NBEAL1: variants seen among roughly 807,000 people sequenced by gnomAD.
NBEAL1 encodes the protein neurobeachin-like protein 1.
Under a neutral mutation model 351.3 loss-of-function variants are expected in NBEAL1, and 273 were observed. The observed-to-expected ratio is 0.78, with a 90% CI of 0.70 to 0.86. NBEAL1 has a LOEUF of 0.86. Ranked by LOEUF, NBEAL1 falls within the 40% of genes least tolerant of loss-of-function variation. The pLI is 0.00. For missense variants in NBEAL1, 2,961 were observed against 3,201.3 expected (o/e 0.92, Z 1.81); for synonymous variants, 1,050 against 1,086.4 (o/e 0.97, Z 0.66).
intron 35 of NBEAL1, among the ~76,000 whole-genome samples, chr2:203,156,341 G>C (rs2063797508): frequency 6.6e-6 from 1 of 152,078 alleles, no homozygotes; most frequent in South Asian, 2.1e-4. Context: ...ACAGTAGCTT[G>C]CCAGCTGGCC....
intron 47 of NBEAL1, among the ~76,000 whole-genome samples, chr2:203,197,041 T>C (rs2065258536): frequency 6.6e-6 from 1 of 152,218 alleles, no homozygotes; most frequent in African/African-American, 2.4e-5. Flanking sequence ...TGTTTTAAAT[T>C]ATTGCTGCTC....
intron 6 of NBEAL1, among the ~76,000 whole-genome samples, chr2:203,067,232 T>C (rs1409025631): frequency 6.6e-6 from 1 of 152,262 alleles, no homozygotes; most frequent in African/African-American, 2.4e-5. Context: ...TTGATAATGG[T>C]CTTAATTAAA....
At chr2:203,046,300 C>T (rs2061224166) in intron 3 of NBEAL1, among the ~76,000 whole-genome samples, 1 of 152,096 alleles carries the variant, frequency 6.6e-6, no homozygotes, top group South Asian at 2.1e-4. Context: ...ACTGCAACCT[C>T]TGCCTCCCGG....
At chr2:203,144,488 A>G (rs2063460220) in intron 31 of NBEAL1, 112 bp from the exon 32 acceptor site, 1 of 982,280 alleles carries the variant, frequency 1.0e-6, no homozygotes, top group Non-Finnish European at 1.5e-6. Flanking sequence ...GACCTTTCAC[A>G]GTTCTTGACA....
intron 29 of NBEAL1, among the ~76,000 whole-genome samples, chr2:203,137,592 T>C (rs2063247472): frequency 6.6e-6 from 1 of 152,252 alleles, no homozygotes; most frequent in Admixed American, 6.5e-5. Flanking sequence ...GTCATAGCTT[T>C]TTTATAGTCA....
chr2:203,059,564 A>T (rs892744310), intron 6 of NBEAL1, among the ~76,000 whole-genome samples: 26 of 152,214 alleles, frequency 1.7e-4, no homozygotes, highest in African/African-American at 6.3e-4. Context: ...TGTCATTTTC[A>T]TTCTGAACTC....
At chr2:203,014,672 G>A (rs1448840663), upstream of NBEAL1, 3 of 152,330 alleles carry the variant, frequency 2.0e-5, no homozygotes, top group Non-Finnish European at 2.9e-5. Context: ...CCCGCCAAGG[G>A]ATGGGCAGCC....
At chr2:203,070,884 A>C (rs950207952) in intron 7 of NBEAL1, among the ~76,000 whole-genome samples, 4 of 152,170 alleles carry the variant, frequency 2.6e-5, no homozygotes, top group African/African-American at 9.6e-5. Flanking sequence ...GTTGAACACG[A>C]GATTTCAGTG....
chr2:203,090,732 C>CA (rs949811386), intron 10 of NBEAL1, among the ~76,000 whole-genome samples: 1 of 151,810 alleles, frequency 6.6e-6, no homozygotes, highest in Non-Finnish European at 1.5e-5. Context: ...ACTAAAAATA[C>CA]AAAAAAGTTA....
In NBEAL1 at chr2:203,148,776, A is replaced by G. The variant is rs183358938; in HGVS notation, c.5305-215A>G. 5.7e-3 allele frequency among the ~76,000 whole-genome samples: 858 copies of G among 151,094 alleles called. 8 individuals are homozygous for G. The highest frequency in any genetic ancestry group is 0.02 in the African/African-American group (830 of 41,294). ...TTTATTGTTGGTTGGTTTTTTTTTT[A>G]AGTTTTAAAAAATATAAATAGATTA... On this transcript the variant is annotated intron_variant, in intron 33 of 55. Coordinates refer to ENST00000683969, the MANE Select transcript of NBEAL1 (RefSeq NM_001378026.1).
In NBEAL1 at chr2:203,112,070, C is replaced by A; in HGVS notation, c.2174C>A (p.Ala725Asp). The change falls in exon 16 of 56, where the codon GCC becomes GAC. Residue 725 changes from alanine to aspartate, a missense_variant. Transcript: ENST00000683969. ...IYDNGQQKVS[A>D]PLRFPAMNEP... ...GACAATGGACAACAGAAGGTTTCTGCCCCTCTCAGATTTCCTGCCATGAAT... is the reference window on the plus strand; with the variant it reads ...GACAATGGACAACAGAAGGTTTCTGACCCTCTCAGATTTCCTGCCATGAAT... 1 of 1,552,266 alleles carries A rather than the reference C, an allele frequency of 6.4e-7. No individual in the cohort carries two copies. Among genetic ancestry groups the A allele is most frequent in the Middle Eastern group, 1.7e-4 (1 of 5,996 alleles).
intron 4 of NBEAL1, 112 bp from the exon 5 acceptor site, chr2:203,056,315 G>A: frequency 2.9e-6 from 2 of 681,358 alleles, no homozygotes; most frequent in East Asian, 2.8e-5. Context: ...TTTAATAAAT[G>A]TCATTTGCAT....
chr2:203,164,763 G>A (rs2064080049), intron 36 of NBEAL1, among the ~76,000 whole-genome samples: 1 of 151,912 alleles, frequency 6.6e-6, no homozygotes, highest in Non-Finnish European at 1.5e-5. Context: ...TGGTACCCTG[G>A]ACATGAGGCA....
At chr2:203,060,287 CAAAA>C (rs1286646340) in intron 6 of NBEAL1, among the ~76,000 whole-genome samples, 1 of 151,178 alleles carries the variant, frequency 6.6e-6, no homozygotes, top group African/African-American at 2.4e-5. Flanking sequence ...TTTTGAAAGT[CAAAA>C]AGAAAATTTT....
chr2:203,135,388 A>G (rs2063176524), intron 27 of NBEAL1, among the ~76,000 whole-genome samples: 1 of 152,116 alleles, frequency 6.6e-6, no homozygotes, highest in Non-Finnish European at 1.5e-5. Context: ...TTACTCTATT[A>G]TTTAACATAT....
rs536544387 is a variant in NBEAL1, at chr2:203,044,180, A to G, written c.143+2324A>G. On this transcript the variant is annotated intron_variant, in intron 3 of 55. Transcript: ENST00000683969. ...GATGTGAGTGTACTAAAAAAAGACT[A>G]GTACTTCGTTATTTATAAATCCAGT... Among the ~76,000 whole-genome samples, 7 of 152,310 alleles carry G rather than the reference A, an allele frequency of 4.6e-5. No individual in the cohort carries two copies. The East Asian group carries it at 1.4e-3, about 29-fold the overall frequency.
chr2:203,024,200 A>C (rs1332968165), intron 2 of NBEAL1, among the ~76,000 whole-genome samples: 1 of 141,644 alleles, frequency 7.1e-6, no homozygotes. Context: ...TTTCTCACAC[A>C]AAAAAAAAAA....
chr2:203,194,980 G>A (rs566759473), intron 47 of NBEAL1, among the ~76,000 whole-genome samples: 1 of 152,158 alleles, frequency 6.6e-6, no homozygotes, highest in South Asian at 2.1e-4. Flanking sequence ...GGCAGATCAC[G>A]AGGTCAGGAG....
At chr2:203,050,696 A>G (rs1046621101) in intron 4 of NBEAL1, among the ~76,000 whole-genome samples, 1 of 152,224 alleles carries the variant, frequency 6.6e-6, no homozygotes. Context: ...TTTGGTATGC[A>G]TGAATAACAA....
Sources: allele counts gnomAD v4.1 joint callset (sites outside exome capture counted in the v4.1 genomes callset), GRCh38; gene constraint gnomAD v4.1.1; transcripts MANE v1.5; gene names NCBI Gene and HGNC (gene_info 2026-07-23, HGNC 2026-07-21).